The following TMEM255A variants were observed in gnomAD, a reference collection of about 807,000 sequenced individuals.
The protein encoded by TMEM255A is family with sequence similarity 70, member A.
In TMEM255A, 14 loss-of-function variants were observed where a neutral mutation model predicts 23.5. That is an observed-to-expected ratio of 0.60 (90% CI 0.39 to 0.93). The LOEUF is 0.93. Ranked by LOEUF, TMEM255A falls within the 40% of genes least tolerant of loss-of-function variation. The probability of loss-of-function intolerance (pLI) is 0.00; values close to 1 mark genes in which losing one functional copy is unlikely to be tolerated. For synonymous variants in TMEM255A, 104 were observed against 100.3 expected, an observed-to-expected ratio of 1.04 and a Z score of -0.22; for missense variants, 233 against 261.7, an observed-to-expected ratio of 0.89 and a Z score of 0.76.
Position 120,260,326 on chromosome X carries a change from T to A in TMEM255A, c.*544A>T. 1 of 329,092 alleles carries A rather than the reference T, an allele frequency of 3.0e-6. No individual in the cohort carries two copies. Among genetic ancestry groups the A allele is most frequent in the Non-Finnish European group, 4.0e-6 (1 of 250,807 alleles). 27.1% of individuals were successfully genotyped at this position (329,092 alleles called of 1,213,427 possible). ...ACAATACTCACAGAGAAGGAAGGAG[T>A]AAGAGATACGGGCAGTCTTTTTCAA... On this transcript the variant is annotated 3_prime_UTR_variant, in exon 9 of 9. Coordinates refer to ENST00000371369, the MANE Select transcript of TMEM255A (RefSeq NM_001104544.3).
intron 8 of TMEM255A, 60 bp from the exon 9 acceptor site, chrX:120,261,088 A>G: frequency 8.8e-7 from 1 of 1,141,259 alleles, no homozygotes; most frequent in Non-Finnish European, 1.2e-6. Context: ...CTGAACAGTC[A>G]TTACTATTTA....
downstream of TMEM255A, chrX:120,255,043 A>T: frequency 8.2e-7 from 1 of 1,212,128 alleles, no homozygotes; most frequent in African/African-American, 1.7e-5. Context: ...CATGAAATTC[A>T]TCACACAGGG....
chrX:120,296,007 T>A (rs1361399578), intron 2 of TMEM255A, among the ~76,000 whole-genome samples: 1 of 112,232 alleles, frequency 8.9e-6, no homozygotes, highest in African/African-American at 3.2e-5. Flanking sequence ...CCCCCTCTGA[T>A]GTTCCACGGC....
downstream of TMEM255A, chrX:120,255,611 A>G (rs1389971375): frequency 8.9e-6 from 4 of 448,573 alleles, no homozygotes; most frequent in African/African-American, 9.9e-5. Flanking sequence ...AGTTTTGAGT[A>G]GAGGTGAGAC....
At chrX:120,296,855 AATATATAATATATTATATATCAT>A (rs2057976182) in intron 2 of TMEM255A, among the ~76,000 whole-genome samples, 1 of 6,046 alleles carries the variant, frequency 1.7e-4, no homozygotes, top group African/African-American at 1.3e-3. Context: ...TATCATATAT[AATATATAATATATTATATATCAT>A]ATATATTATA....
At chrX:120,296,477 T>C (rs1556024102) in intron 2 of TMEM255A, among the ~76,000 whole-genome samples, 1 of 93,562 alleles carries the variant, frequency 1.1e-5, no homozygotes, top group Non-Finnish European at 2.1e-5. Context: ...CACTACTAGC[T>C]TTATGTCAGA....
Position 120,304,438 on chromosome X carries a change from T to G in TMEM255A, c.112A>C (p.Ile38Leu). ...ACTGTGAGAATTAACACGGACACAATAAGCAAAGTCACGGTGACATAGATG... is the reference window on the plus strand; with the variant it reads ...ACTGTGAGAATTAACACGGACACAAGAAGCAAAGTCACGGTGACATAGATG... ...NSIYVTVTLL[I>L]VSVLILTVGL... Residue 38 changes from isoleucine to leucine, a missense_variant, in exon 2 of 9, where the codon ATT becomes CTT. Coordinates refer to ENST00000371369, the MANE Select transcript of TMEM255A (RefSeq NM_001104544.3). 1 of 1,210,124 alleles carries G rather than the reference T, an allele frequency of 8.3e-7. No homozygotes were observed. The highest frequency in any genetic ancestry group is 1.7e-5 in the African/African-American group (1 of 57,638).
At chrX:120,291,027 G>A (rs1556022799) in intron 4 of TMEM255A, among the ~76,000 whole-genome samples, 2 of 111,435 alleles carry the variant, frequency 1.8e-5, no homozygotes, top group African/African-American at 6.5e-5. Context: ...AAGCCACTAT[G>A]GCACTTGGAG....
chrX:120,263,398 T>C (rs1056846753), intron 8 of TMEM255A, among the ~76,000 whole-genome samples: 1 of 111,997 alleles, frequency 8.9e-6, no homozygotes. Flanking sequence ...GAGGCTGGGG[T>C]GGCCAACAGG....
chrX:120,254,569 T>C, downstream of TMEM255A: 2 of 1,211,164 alleles, frequency 1.7e-6, no homozygotes, highest in Non-Finnish European at 1.1e-6. Flanking sequence ...CAAGAACCAC[T>C]TTCCAATTCC....
chrX:120,306,332 GGTTACCTGAA>G (rs2058065097), intron 1 of TMEM255A, among the ~76,000 whole-genome samples: 2 of 111,664 alleles, frequency 1.8e-5, no homozygotes, highest in Admixed American at 1.9e-4. Context: ...TATTTCTTCT[GGTTACCTGAA>G]GTTTAGTTAT....
intron 3 of TMEM255A, among the ~76,000 whole-genome samples, chrX:120,293,490 T>G (rs144401691): frequency 0.062 from 6,965 of 112,584 alleles, 240 homozygotes; most frequent in Non-Finnish European, 0.093. Flanking sequence ...TTATCTTTTT[T>G]TGTGTGTGCC....
chrX:120,258,507 C>T (rs369683070), downstream of TMEM255A: 6 of 114,325 alleles, frequency 5.2e-5, no homozygotes, highest in Non-Finnish European at 1.1e-4. Context: ...GATGACAGCA[C>T]GGCAAAATTT....
downstream of TMEM255A, chrX:120,256,367 AGACTTTACATATTTTGGGTGG>A (rs1556015457): frequency 8.2e-6 from 1 of 122,597 alleles, no homozygotes; most frequent in Non-Finnish European, 1.9e-5. Flanking sequence ...TCCATGGGTG[AGACTTTACATATTTTGGGTGG>A]GAGGCTACTG....
intron 2 of TMEM255A, among the ~76,000 whole-genome samples, chrX:120,300,478 C>G (rs2058025946): frequency 9.1e-6 from 1 of 109,333 alleles, no homozygotes; most frequent in South Asian, 4.0e-4. Flanking sequence ...ACTTCCATCT[C>G]CTAGGCTCAA....
downstream of TMEM255A, chrX:120,255,698 T>G (rs782323742): frequency 4.7e-5 from 14 of 295,465 alleles, no homozygotes; most frequent in Middle Eastern, 9.7e-4. Context: ...CTTGGAGAGA[T>G]AGTTTCCTGA....
chrX:120,303,352 G>A (rs1224357994), intron 2 of TMEM255A, among the ~76,000 whole-genome samples: 2 of 111,486 alleles, frequency 1.8e-5, no homozygotes, highest in Non-Finnish European at 3.8e-5. Context: ...TCTGGAGGAG[G>A]GCAAGTTCCA....
chrX:120,272,001 C>T (rs1423893884), intron 7 of TMEM255A, among the ~76,000 whole-genome samples: 2 of 112,377 alleles, frequency 1.8e-5, no homozygotes, highest in South Asian at 3.7e-4. Context: ...TTATAAAGAA[C>T]TCTTACAACT....
At chrX:120,252,399 C>G in the TMEM255A span, among the ~76,000 whole-genome samples, 1 of 110,336 alleles carries the variant, frequency 9.1e-6, no homozygotes, top group African/African-American at 3.3e-5. Context: ...CTCTTTGTTA[C>G]TGGAAATATC....
Sources: gnomAD v4.1 joint callset for allele counts (sites outside exome capture counted in the v4.1 genomes callset) on GRCh38, gnomAD v4.1.1 for gene constraint, MANE v1.5 for transcripts, NCBI Gene and HGNC (gene_info 2026-07-23, HGNC 2026-07-21) for gene names.